Variants in CYP4X1 observed in about 807,000 individuals in gnomAD.
CYP4X1 encodes the protein cytochrome P450 4X1.
Under a neutral mutation model 57.9 loss-of-function variants are expected in CYP4X1, and 44 were observed. The observed-to-expected ratio is 0.76, with a 90% confidence interval of 0.60 to 0.98. The LOEUF (loss-of-function observed/expected upper bound fraction) is 0.98, where lower values mean the gene tolerates loss of function less well. Ranked by LOEUF, CYP4X1 falls within the 50% of genes least tolerant of loss-of-function variation. CYP4X1 has a pLI of 0.00. For synonymous variants in CYP4X1, 227 were observed against 228.6 expected (o/e 0.99, Z 0.06); for missense variants, 532 against 623.9 (o/e 0.85, Z 1.57).
chr1:47,018,573 C>T, the CYP4X1 span, among the ~76,000 whole-genome samples: 3 of 152,054 alleles, frequency 2.0e-5, no homozygotes, highest in African/African-American at 4.8e-5. Context: ...CCGAATGCAG[C>T]GCTGGAGTGG....
chr1:47,002,420 T>C, the CYP4X1 span, among the ~76,000 whole-genome samples: 1 of 152,218 alleles, frequency 6.6e-6, no homozygotes, highest in African/African-American at 2.4e-5. Context: ...AGTGACATGA[T>C]TGGCAGCCAA....
rs764912232 is a variant in CYP4X1 at position 47,048,524 on chromosome 1, C to T, written c.1208-41C>T. 35 of 1,607,166 alleles carry T rather than the reference C, an allele frequency of 2.2e-5. 1 individual carries two copies. The South Asian group carries it at 3.6e-4, about 17-fold the overall frequency. ...TAAGAGCACAGTAGCCCACAACTTG[C>T]TCTTTCTCCTGCAGTCTCTTTTATT... is the stretch of plus-strand genomic sequence containing the variant. On this transcript the variant is annotated intron_variant, in intron 9 of 11. Coordinates refer to ENST00000371901, the MANE Select transcript of CYP4X1 (RefSeq NM_178033.2).
the CYP4X1 span, among the ~76,000 whole-genome samples, chr1:47,007,169 G>A: frequency 6.6e-6 from 1 of 152,190 alleles, no homozygotes; most frequent in African/African-American, 2.4e-5. Flanking sequence ...TAACTGGGAG[G>A]CACCCTCCAG....
chr1:47,015,847 C>T, the CYP4X1 span, among the ~76,000 whole-genome samples: 1 of 152,200 alleles, frequency 6.6e-6, no homozygotes. Flanking sequence ...CCTTCAGCCT[C>T]CCCGGCCACG....
the CYP4X1 span, among the ~76,000 whole-genome samples, chr1:46,999,026 T>G: frequency 3.5e-4 from 50 of 143,314 alleles, no homozygotes; most frequent in African/African-American, 9.0e-4. Context: ...CTTGCTTTCT[T>G]TGTGTGTGTG....
intron 1 of CYP4X1, among the ~76,000 whole-genome samples, chr1:47,026,810 C>T (rs992514799): frequency 6.6e-6 from 1 of 152,038 alleles, no homozygotes. Flanking sequence ...CTCCGCCTCT[C>T]GGATTCAAGC....
the CYP4X1 span, among the ~76,000 whole-genome samples, chr1:46,964,446 T>G: frequency 1.3e-5 from 2 of 152,098 alleles, no homozygotes; most frequent in Admixed American, 6.5e-5. Context: ...GTTTGTTAGT[T>G]TTCCTTCTAA....
the CYP4X1 span, among the ~76,000 whole-genome samples, chr1:46,973,018 A>G: frequency 0.049 from 7,404 of 152,124 alleles, 499 homozygotes; most frequent in African/African-American, 0.14. Flanking sequence ...CTGATTCTCA[A>G]GGGAAATGCT....
the CYP4X1 span, among the ~76,000 whole-genome samples, chr1:46,980,766 T>G: frequency 6.6e-6 from 1 of 152,168 alleles, no homozygotes; most frequent in African/African-American, 2.4e-5. Context: ...AGCATGGTAC[T>G]GGTACCAAAA....
the CYP4X1 span, among the ~76,000 whole-genome samples, chr1:46,993,309 C>T: frequency 1.3e-5 from 2 of 151,264 alleles, no homozygotes; most frequent in African/African-American, 2.4e-5. Flanking sequence ...AGATGTGCCA[C>T]ATTTTCTTAA....
At chr1:47,043,583 G>A (rs2148514256) in intron 8 of CYP4X1, among the ~76,000 whole-genome samples, 1 of 152,108 alleles carries the variant, frequency 6.6e-6, no homozygotes, top group East Asian at 1.9e-4. Context: ...TATCTAGAAG[G>A]GTTTTTCTGA....
At chr1:47,016,642 A>G in the CYP4X1 span, among the ~76,000 whole-genome samples, 2 of 152,214 alleles carry the variant, frequency 1.3e-5, no homozygotes, top group African/African-American at 4.8e-5. Context: ...GCCACATAGT[A>G]TGTGTATATA....
At chr1:46,965,730 G>A in the CYP4X1 span, among the ~76,000 whole-genome samples, 1 of 152,238 alleles carries the variant, frequency 6.6e-6, no homozygotes, top group African/African-American at 2.4e-5. Context: ...TTTTAGTACA[G>A]CAGGTGTGCT....
chr1:46,993,874 C>G, the CYP4X1 span, among the ~76,000 whole-genome samples: 6 of 152,112 alleles, frequency 3.9e-5, no homozygotes, highest in African/African-American at 1.2e-4. Context: ...CTCCCATTCT[C>G]TAGGTGGCCT....
At chr1:47,027,338 G>A (rs889863969) in intron 1 of CYP4X1, among the ~76,000 whole-genome samples, 2 of 151,986 alleles carry the variant, frequency 1.3e-5, no homozygotes, top group African/African-American at 4.8e-5. Context: ...CTCAAAAGGT[G>A]ATACTGTTTT....
chr1:46,991,867 G>A, the CYP4X1 span, among the ~76,000 whole-genome samples: 1 of 152,290 alleles, frequency 6.6e-6, no homozygotes, highest in African/African-American at 2.4e-5. Context: ...ATTCTCCTCT[G>A]CAAAATAGAG....
chr1:47,017,866 G>C, the CYP4X1 span, among the ~76,000 whole-genome samples: 1 of 152,144 alleles, frequency 6.6e-6, no homozygotes, highest in Admixed American at 6.5e-5. Context: ...ATAAAACCAA[G>C]CTGTGCTCTG....
chr1:47,006,740 G>A, the CYP4X1 span, among the ~76,000 whole-genome samples: 1 of 152,174 alleles, frequency 6.6e-6, no homozygotes, highest in Non-Finnish European at 1.5e-5. Context: ...CCCTAATACT[G>A]TGCTTTTCCA....
the CYP4X1 span, among the ~76,000 whole-genome samples, chr1:47,011,328 A>G: frequency 6.6e-6 from 1 of 152,228 alleles, no homozygotes; most frequent in Non-Finnish European, 1.5e-5. Flanking sequence ...TATTTAATAA[A>G]TGGTGCTGGG....
Sources: gnomAD v4.1 joint callset for allele counts (sites outside exome capture counted in the v4.1 genomes callset) on GRCh38, gnomAD v4.1.1 for gene constraint, MANE v1.5 for transcripts, NCBI Gene and HGNC (gene_info 2026-07-23, HGNC 2026-07-21) for gene names.